The following PSG9 variants were observed in gnomAD, a reference collection of about 807,000 sequenced individuals.
PSG9 encodes the protein pregnancy-specific beta-1-glycoprotein 9.
In PSG9, 49 loss-of-function variants were observed where a neutral mutation model predicts 41.9. The observed-to-expected ratio is 1.17, with a 90% confidence interval of 0.93 to 1.48. The LOEUF (loss-of-function observed/expected upper bound fraction) is 1.48. Ranked by LOEUF, PSG9 falls within the 40% of genes most tolerant of loss-of-function variation. PSG9 has a pLI of 0.00. For synonymous variants in PSG9, 263 were observed against 196.8 expected (o/e 1.34, Z -2.82); for missense variants, 641 against 520.3 (o/e 1.23, Z -2.26).
At chr19:43,262,201 T>A (rs1968757655) in intron 2 of PSG9, 63 bp from the exon 3 acceptor site, 1 of 1,567,584 alleles carries the variant, frequency 6.4e-7, no homozygotes, top group Non-Finnish European at 8.6e-7. Context: ...AAAGGCATTT[T>A]TCAGTCAGAG....
In PSG9 at chr19:43,258,666, T is replaced by C. The variant is rs1968556687; in HGVS notation, c.988+191A>G. 2.1e-5 allele frequency among the ~76,000 whole-genome samples: 3 copies of C among 146,084 alleles called. 1 individual carries two copies. The highest frequency in any genetic ancestry group is 7.8e-5 in the African/African-American group (3 of 38,430). On this transcript the variant is annotated intron_variant, in intron 4 of 5. Transcript: ENST00000270077. Reference sequence around the variant, plus strand: ...CCCCAAGTCTCCCATGACAAGAGCATCCACTCCCCTTATATTCTTGGTTAA... The same window carrying C: ...CCCCAAGTCTCCCATGACAAGAGCACCCACTCCCCTTATATTCTTGGTTAA...
chr19:43,256,215 A>G (rs550634327), intron 5 of PSG9, among the ~76,000 whole-genome samples: 1 of 146,708 alleles, frequency 6.8e-6, no homozygotes, highest in South Asian at 2.2e-4. Flanking sequence ...CCCACAATAG[A>G]TCAAAGATCT....
chr19:43,259,243 T>C, intron 3 of PSG9, 108 bp from the exon 4 acceptor site: 1 of 1,484,426 alleles, frequency 6.7e-7, no homozygotes, highest in Non-Finnish European at 9.0e-7. Flanking sequence ...ACCCGAGTCC[T>C]TGAAAGCCAA....
chr19:43,253,630 G>A lies in PSG9; in HGVS notation c.1260C>T (p.Asp420=), dbSNP rs1470849543. The part of the protein sequence containing the change: ...TVKVSGPCHG[D]LTESQS Reference sequence around the variant, plus strand: ...GCAGTCATGACTGAGACTCTGTCAGGTCTCCATGGCAGGGACCTGATTGAC... The same window carrying A: ...GCAGTCATGACTGAGACTCTGTCAGATCTCCATGGCAGGGACCTGATTGAC... Residue 420 remains aspartate, a synonymous_variant, in exon 6 of 6, where the codon GAC becomes GAT. Coordinates refer to ENST00000270077, the MANE Select transcript of PSG9 (RefSeq NM_002784.5). The A allele has an allele frequency of 1.9e-6, 2 of 1,030,204 alleles. 1 individual carries two copies. Among genetic ancestry groups the A allele is most frequent in the Non-Finnish European group, 3.0e-6 (2 of 670,670 alleles). The allele number at this position is 1,030,204 out of a possible 1,614,324, so 63.8% of individuals were successfully genotyped here.
In PSG9 at chr19:43,253,942, G is replaced by C. The variant is rs1023063353; in HGVS notation, c.1244-296C>G. On this transcript the variant is annotated intron_variant, in intron 5 of 5. Coordinates refer to ENST00000270077, the MANE Select transcript of PSG9 (RefSeq NM_002784.5). ...ATGCCTGCTCCACATTCCCTCACAGGTGTCTTCCCTGATAAATTACCTTGT... is the reference window on the plus strand; with the variant it reads ...ATGCCTGCTCCACATTCCCTCACAGCTGTCTTCCCTGATAAATTACCTTGT... 2.1e-5 allele frequency among the ~76,000 whole-genome samples: 3 copies of C among 145,728 alleles called. 1 individual carries two copies. The highest frequency in any genetic ancestry group is 2.6e-5 in the African/African-American group (1 of 38,126).
intron 2 of PSG9, among the ~76,000 whole-genome samples, chr19:43,265,277 A>G (rs1438091494): frequency 1.3e-5 from 2 of 152,184 alleles, no homozygotes; most frequent in Non-Finnish European, 2.9e-5. Context: ...CACAGTTTCT[A>G]TAATCCCTGA....
rs770127546 is a variant in PSG9, at chr19:43,253,644, G to C, written c.1246C>G (p.Pro416Ala). 62 of 1,177,940 alleles carry C rather than the reference G, an allele frequency of 5.3e-5. 3 individuals are homozygous for C. Among genetic ancestry groups the C allele is most frequent in the African/African-American group, 9.9e-5 (6 of 60,422 alleles). 73.0% of individuals were successfully genotyped at this position (1,177,940 alleles called of 1,614,324 possible). A position where few individuals can be genotyped will look rare whatever the true frequency, so the allele number is the denominator to read the frequency against. Residue 416 changes from proline to alanine, a missense_variant and splice_region_variant, in exon 6 of 6, where the codon CCC (proline) becomes GCC (alanine). Physicochemically the swap from Pro to Ala is conservative, Grantham distance 27. Transcript: ENST00000270077. ...SKSMTVKVSGPCHGDLTESQS is the reference protein window; with the variant it reads ...SKSMTVKVSGACHGDLTESQS ...GACTCTGTCAGGTCTCCATGGCAGGGACCTGATTGACAGAAGGCCCAGGTC... is the reference window on the plus strand; with the variant it reads ...GACTCTGTCAGGTCTCCATGGCAGGCACCTGATTGACAGAAGGCCCAGGTC...
At chr19:43,265,189 G>A (rs1451406949) in intron 2 of PSG9, among the ~76,000 whole-genome samples, 3 of 152,114 alleles carry the variant, frequency 2.0e-5, no homozygotes, top group African/African-American at 7.2e-5. Flanking sequence ...ACTTTGCCCA[G>A]GGACTGCTTT....
chr19:43,262,304 C>T (rs1248306679), intron 2 of PSG9, among the ~76,000 whole-genome samples, 166 bp from the exon 3 acceptor site: 1 of 152,068 alleles, frequency 6.6e-6, no homozygotes, highest in African/African-American at 2.4e-5. Flanking sequence ...TCTGAGAGCT[C>T]AGAGATTGTG....
At chr19:43,257,332 A>G (rs1253275604) in intron 5 of PSG9, 1 of 923,064 alleles carries the variant, frequency 1.1e-6, no homozygotes, top group Admixed American at 6.4e-5. Flanking sequence ...TAAGTCTTAT[A>G]TTAGATATAT....
chr19:43,256,948 T>G (rs1968463924), intron 5 of PSG9, among the ~76,000 whole-genome samples: 1 of 146,818 alleles, frequency 6.8e-6, no homozygotes, highest in Non-Finnish European at 1.5e-5. Context: ...TGGAAACAAC[T>G]GAAAAGTCCA....
At chr19:43,261,061 A>T (rs544259635) in intron 3 of PSG9, among the ~76,000 whole-genome samples, 141 of 152,188 alleles carry the variant, frequency 9.3e-4, no homozygotes, top group African/African-American at 2.9e-3. Context: ...GACAGGCAAA[A>T]GCTGGTGGTT....
chr19:43,257,956 C>T lies in PSG9; in HGVS notation c.1243+246G>A, dbSNP rs1323167702. ...CTGAAGCCTCTTCTACCACATAGGG[C>T]TCAGGGCTGATAAAGCCCCCTCCCT... On this transcript the variant is annotated intron_variant, in intron 5 of 5. Coordinates refer to ENST00000270077, the MANE Select transcript of PSG9 (RefSeq NM_002784.5). The T allele has an allele frequency of 9.0e-6, 13 of 1,449,594 alleles. 2 individuals are homozygous for T. The highest frequency in any genetic ancestry group is 7.6e-5 in the African/African-American group (5 of 66,088). The allele number at this position is 1,449,594 out of a possible 1,614,324, so 89.8% of individuals were successfully genotyped here.
chr19:43,258,508 G>A (rs1224957661), intron 4 of PSG9, 52 bp from the exon 5 acceptor site: 2 of 1,514,130 alleles, frequency 1.3e-6, no homozygotes, highest in Non-Finnish European at 1.8e-6. Flanking sequence ...GGAAGGGGAT[G>A]TTCCTGGTCT....
At chr19:43,263,466 T>G (rs950038933) in intron 2 of PSG9, among the ~76,000 whole-genome samples, 15 of 152,174 alleles carry the variant, frequency 9.9e-5, no homozygotes, top group Admixed American at 2.0e-4. Context: ...TGGTCAGAAG[T>G]GTTGACTTTT....
chr19:43,267,341 T>G (rs1024829614), intron 2 of PSG9, among the ~76,000 whole-genome samples: 1 of 152,146 alleles, frequency 6.6e-6, no homozygotes, highest in Non-Finnish European at 1.5e-5. Context: ...AACCCAGCAC[T>G]GGCACAGGCT....
Position 43,255,535 on chromosome 19 carries a change from A to C in PSG9, c.1244-1889T>G, listed in dbSNP as rs577242921. Reference sequence around the variant, plus strand: ...AAAAATTAGGCAAGAATTGAAAAAAAGACATTCAAATTGGAAGGAAGGAGT... The same window carrying C: ...AAAAATTAGGCAAGAATTGAAAAAACGACATTCAAATTGGAAGGAAGGAGT... On this transcript the variant is annotated intron_variant, in intron 5 of 5. Coordinates refer to ENST00000270077, the MANE Select transcript of PSG9 (RefSeq NM_002784.5). Among the ~76,000 whole-genome samples, 112 of 146,914 alleles carry C rather than the reference A, an allele frequency of 7.6e-4. 8 individuals are homozygous for C. The highest frequency in any genetic ancestry group is 7.3e-3 in the Admixed American group (108 of 14,764).
In PSG9 at chr19:43,253,319, C is replaced by A. The variant is rs6595; in HGVS notation, c.*290G>T. 3.7e-6 allele frequency: 1 copy of A among 270,828 alleles called. No individual in the cohort carries two copies. Among genetic ancestry groups the A allele is most frequent in the Non-Finnish European group, 6.7e-6 (1 of 148,640 alleles). The allele number at this position is 270,828 out of a possible 1,614,324, so 16.8% of individuals were successfully genotyped here. A position where few individuals can be genotyped will look rare whatever the true frequency, so the allele number is the denominator to read the frequency against. Reference sequence around the variant, plus strand: ...TGCAAATAACTTTATTACCATAAACCTATGAATACTCATGAATAGTTTCAC... The same window carrying A: ...TGCAAATAACTTTATTACCATAAACATATGAATACTCATGAATAGTTTCAC... On this transcript the variant is annotated 3_prime_UTR_variant, in exon 6 of 6. Transcript: ENST00000270077.
chr19:43,268,741 T>G (rs1049947410), intron 1 of PSG9, among the ~76,000 whole-genome samples: 2 of 149,946 alleles, frequency 1.3e-5, no homozygotes, highest in African/African-American at 2.5e-5. Flanking sequence ...GCCCTGGGTG[T>G]TTTTTTTTCC....
Sources: allele counts gnomAD v4.1 joint callset (sites outside exome capture counted in the v4.1 genomes callset), GRCh38; gene constraint gnomAD v4.1.1; transcripts MANE v1.5; gene names NCBI Gene and HGNC (gene_info 2026-07-23, HGNC 2026-07-21).